Variants in KHDRBS2 observed in about 807,000 individuals in gnomAD.
KHDRBS2 encodes KH RNA binding domain containing, signal transduction associated 2.
A neutral mutation model predicts 44.3 loss-of-function variants in KHDRBS2; 26 were observed. The observed-to-expected ratio is 0.59, with a 90% CI of 0.43 to 0.81. KHDRBS2 has a LOEUF of 0.81. KHDRBS2 is among the 40% of genes least tolerant of loss of function. The pLI is 0.00. For missense variants in KHDRBS2, 476 were observed against 433.1 expected (o/e 1.10, Z -0.88); for synonymous variants, 194 against 151.1 (o/e 1.28, Z -2.08).
At chr6:62,224,236 G>C (rs1199152792) in intron 1 of KHDRBS2, among the ~76,000 whole-genome samples, 1 of 152,098 alleles carries the variant, frequency 6.6e-6, no homozygotes, top group East Asian at 1.9e-4. Flanking sequence ...TGATAAAGCA[G>C]AAACCCCTGA....
chr6:61,682,877 G>A (rs1766454235), intron 8 of KHDRBS2, among the ~76,000 whole-genome samples: 1 of 151,870 alleles, frequency 6.6e-6, no homozygotes, highest in Admixed American at 6.6e-5. Context: ...AACACATTCA[G>A]TGTGTGCAAG....
rs367888500 is a variant in KHDRBS2, at chr6:61,739,973, T to A, written c.811-7209A>T. Among the ~76,000 whole-genome samples the A allele has an allele frequency of 2.2e-3, 340 of 152,058 alleles. 2 individuals are homozygous for A. The highest frequency in any genetic ancestry group is 8.0e-3 in the African/African-American group (331 of 41,532). ...AATAATGACTGTGTTTAACAATCAA[T>A]TTACAAAATTCCTAAAAATTTTACA... On this transcript the variant is annotated intron_variant, in intron 6 of 8. Coordinates refer to ENST00000281156, the MANE Select transcript of KHDRBS2 (RefSeq NM_152688.4).
intron 6 of KHDRBS2, among the ~76,000 whole-genome samples, chr6:61,780,468 G>A (rs1362337824): frequency 3.9e-5 from 6 of 152,102 alleles, no homozygotes; most frequent in Non-Finnish European, 8.8e-5. Context: ...TTCAGCCTGG[G>A]CGACAGAGCC....
At chr6:61,617,656 A>T in the KHDRBS2 span, among the ~76,000 whole-genome samples, 4 of 152,218 alleles carry the variant, frequency 2.6e-5, no homozygotes, top group East Asian at 5.8e-4. Flanking sequence ...ATCTATTTTG[A>T]GTATCTAATG....
rs534755796 is a variant in KHDRBS2 at position 62,061,312 on chromosome 6, C to G, written c.220-13318G>C. On this transcript the variant is annotated intron_variant, in intron 2 of 8. Transcript: ENST00000281156. Reference sequence around the variant, plus strand: ...GGCATGATTTTGCAGCGGCTGGTACCGGTTGTTCCTTTCCATGTTCAGCGC... The same window carrying G: ...GGCATGATTTTGCAGCGGCTGGTACGGGTTGTTCCTTTCCATGTTCAGCGC... Among the ~76,000 whole-genome samples the G allele has an allele frequency of 8.1e-3, 1,230 of 151,614 alleles. 12 individuals carry two copies. The highest frequency in any genetic ancestry group is 0.028 in the African/African-American group (1,156 of 41,420).
chr6:61,590,002 G>C, the KHDRBS2 span, among the ~76,000 whole-genome samples: 2 of 152,072 alleles, frequency 1.3e-5, no homozygotes, highest in Non-Finnish European at 2.9e-5. Context: ...GGGACTCTTG[G>C]ATGTGGTTAA....
intron 2 of KHDRBS2, among the ~76,000 whole-genome samples, chr6:62,117,415 C>A (rs935022200): frequency 6.6e-6 from 1 of 152,036 alleles, no homozygotes; most frequent in Non-Finnish European, 1.5e-5. Context: ...TGAGAGATGT[C>A]TATTCAATCA....
In KHDRBS2 at chr6:61,681,177, T is replaced by C. The variant is rs377320763; in HGVS notation, c.953-117A>G. ...AACAAAAGATCTCAACACCGAACGC[T>C]AAAGCCTATTTTTTCCACATCGTGA... On this transcript the variant is annotated intron_variant, in intron 8 of 8. Transcript: ENST00000281156. 501 of 674,988 alleles carry C rather than the reference T, an allele frequency of 7.4e-4. 2 individuals carry two copies. The African/African-American group carries it at 8.1e-3, about 11-fold the overall frequency. The allele number at this position is 674,988 out of a possible 1,614,324, so 41.8% of individuals were successfully genotyped here. A position where few individuals can be genotyped will look rare whatever the true frequency, so the allele number is the denominator to read the frequency against.
At chr6:61,549,965 T>C in the KHDRBS2 span, among the ~76,000 whole-genome samples, 1 of 152,198 alleles carries the variant, frequency 6.6e-6, no homozygotes, top group Non-Finnish European at 1.5e-5. Context: ...TGATGCACTA[T>C]ACAAAAACCA....
At chr6:61,689,774 C>T (rs1767194870) in intron 8 of KHDRBS2, among the ~76,000 whole-genome samples, 1 of 151,930 alleles carries the variant, frequency 6.6e-6, no homozygotes, top group South Asian at 2.1e-4. Flanking sequence ...TCTCTTGTTA[C>T]CCATTGAACT....
chr6:62,073,968 G>A (rs1361359869), intron 2 of KHDRBS2, among the ~76,000 whole-genome samples: 10 of 151,752 alleles, frequency 6.6e-5, no homozygotes, highest in Admixed American at 1.3e-4. Context: ...AGAACTGAGT[G>A]GGGATCCACT....
At chr6:62,030,575 C>A (rs1784170106) in intron 3 of KHDRBS2, among the ~76,000 whole-genome samples, 1 of 151,836 alleles carries the variant, frequency 6.6e-6, no homozygotes, top group Non-Finnish European at 1.5e-5. Context: ...TGATTATTTG[C>A]AGAATGAAAA....
At chr6:61,848,496 T>TACAC (rs1794804954) in intron 6 of KHDRBS2, among the ~76,000 whole-genome samples, 4 of 56,066 alleles carry the variant, frequency 7.1e-5, no homozygotes, top group African/African-American at 3.4e-4. Flanking sequence ...TATATGTATA[T>TACAC]ATATATATAT....
chr6:61,977,890 G>A (rs1773023259), intron 4 of KHDRBS2, among the ~76,000 whole-genome samples, 176 bp downstream of exon 4: 4 of 152,152 alleles, frequency 2.6e-5, no homozygotes, highest in Non-Finnish European at 4.4e-5. Flanking sequence ...CAACACGCCA[G>A]GTCCTGTGTT....
chr6:61,554,893 G>C, the KHDRBS2 span, among the ~76,000 whole-genome samples: 1 of 152,050 alleles, frequency 6.6e-6, no homozygotes, highest in African/African-American at 2.4e-5. Flanking sequence ...AGCCTGATGG[G>C]GTTCCCTTTG....
chr6:62,188,724 T>C (rs1003855106), intron 1 of KHDRBS2, among the ~76,000 whole-genome samples: 1 of 152,148 alleles, frequency 6.6e-6, no homozygotes, highest in African/African-American at 2.4e-5. Flanking sequence ...GTGTTTAGTG[T>C]GGCATGAATG....
Position 62,063,479 on chromosome 6 carries a change from G to A in KHDRBS2, c.220-15485C>T, listed in dbSNP as rs868677431. ...GGGATGCAAGGCTGGTTCAATATAC[G>A]CAAATCAATAAATGTAATCCAGCAT... On this transcript the variant is annotated intron_variant, in intron 2 of 8. Transcript: ENST00000281156. 5.4e-4 allele frequency among the ~76,000 whole-genome samples: 82 copies of A among 150,502 alleles called. No homozygotes were observed. The Middle Eastern group carries it at 0.027, about 50-fold the overall frequency.
intron 6 of KHDRBS2, among the ~76,000 whole-genome samples, chr6:61,775,394 A>G (rs1316253922): frequency 2.0e-5 from 3 of 152,280 alleles, no homozygotes; most frequent in South Asian, 4.1e-4. Flanking sequence ...AGAAAACCCC[A>G]TCATCTCAGC....
intron 3 of KHDRBS2, among the ~76,000 whole-genome samples, chr6:62,012,839 G>A (rs1383748560): frequency 6.6e-6 from 1 of 152,160 alleles, no homozygotes; most frequent in Non-Finnish European, 1.5e-5. Context: ...CTCACAACCT[G>A]AGGCATTTTC....
Sources: gnomAD v4.1 joint callset for allele counts (sites outside exome capture counted in the v4.1 genomes callset) on GRCh38, gnomAD v4.1.1 for gene constraint, MANE v1.5 for transcripts, NCBI Gene and HGNC (gene_info 2026-07-23, HGNC 2026-07-21) for gene names.